CACNA1E: variants seen among roughly 807,000 people sequenced by gnomAD.
CACNA1E encodes calcium voltage-gated channel subunit alpha1 E, also known as voltage-dependent R-type calcium channel subunit alpha-1E.
Under a neutral mutation model 259.2 loss-of-function variants are expected in CACNA1E, and 40 were observed. The ratio of observed to expected loss-of-function variants is 0.15; its 90% CI spans 0.12 to 0.20. The LOEUF (loss-of-function observed/expected upper bound fraction) is 0.20, where lower values mean the gene tolerates loss of function less well. Ranked by LOEUF, CACNA1E falls within the 10% of genes least tolerant of loss-of-function variation. The pLI is 1.00. For synonymous variants in CACNA1E, 1,104 were observed against 1,138.5 expected (o/e 0.97, Z 0.61); for missense variants, 1,874 against 3,040.1 (o/e 0.62, Z 9.02).
At chr1:181,668,299 C>T (rs1372816170) in intron 7 of CACNA1E, among the ~76,000 whole-genome samples, 2 of 152,156 alleles carry the variant, frequency 1.3e-5, no homozygotes, top group African/African-American at 2.4e-5. Flanking sequence ...TGAAGTCTAT[C>T]CAGGTTTTCC....
intron 3 of CACNA1E, among the ~76,000 whole-genome samples, chr1:181,550,717 CT>C (rs766533399): frequency 7.3e-4 from 106 of 144,734 alleles, no homozygotes; most frequent in East Asian, 1.4e-3. Flanking sequence ...GAAATAAATG[CT>C]TTTTTTTTTT....
chr1:181,779,317 G>A, intron 38 of CACNA1E: 1 of 266,688 alleles, frequency 3.7e-6, no homozygotes, highest in Admixed American at 4.1e-5. Flanking sequence ...TCCTGGTCTG[G>A]CTTTGCCAGG....
intron 40 of CACNA1E, among the ~76,000 whole-genome samples, 173 bp downstream of exon 40, chr1:181,783,957 T>C (rs750217431): frequency 6.6e-6 from 1 of 152,222 alleles, no homozygotes; most frequent in Non-Finnish European, 1.5e-5. Context: ...TTCCTTCTGG[T>C]ACAGTGAATG....
intron 1 of CACNA1E, among the ~76,000 whole-genome samples, chr1:181,325,442 C>A (rs1650700377): frequency 6.6e-6 from 1 of 152,076 alleles, no homozygotes; most frequent in African/African-American, 2.4e-5. Context: ...GGTGTGGTTC[C>A]CGGACCAGCC....
At chr1:181,319,734 A>G (rs1282826202) in intron 1 of CACNA1E, among the ~76,000 whole-genome samples, 1 of 152,228 alleles carries the variant, frequency 6.6e-6, no homozygotes, top group African/African-American at 2.4e-5. Context: ...GAGATAAATG[A>G]TTGCCCTAAG....
intron 1 of CACNA1E, among the ~76,000 whole-genome samples, chr1:181,496,041 A>C (rs1433692598): frequency 6.6e-6 from 1 of 152,262 alleles, no homozygotes; most frequent in Non-Finnish European, 1.5e-5. Context: ...GGCCTGGATC[A>C]GAACTCGTGC....
rs1206134803 is a variant in CACNA1E at position 181,561,918 on chromosome 1, T to C, written c.513-15848T>C. Reference sequence around the variant, plus strand: ...TTATCAGGCTTTTTATTGTTTTGGTTTGGTTTGTTTTTAGCCTTCTAATAA... The same window carrying C: ...TTATCAGGCTTTTTATTGTTTTGGTCTGGTTTGTTTTTAGCCTTCTAATAA... On this transcript the variant is annotated intron_variant, in intron 3 of 47. Transcript: ENST00000367573. Among the ~76,000 whole-genome samples the C allele has an allele frequency of 2.0e-5, 3 of 152,290 alleles. No homozygotes were observed. The East Asian group carries it at 5.8e-4, about 29-fold the overall frequency.
intron 1 of CACNA1E, among the ~76,000 whole-genome samples, chr1:181,382,208 C>T (rs890277959): frequency 6.6e-6 from 1 of 152,086 alleles, no homozygotes; most frequent in Non-Finnish European, 1.5e-5. Context: ...ATTGCAGAGG[C>T]CTTGAGATGA....
intron 2 of CACNA1E, among the ~76,000 whole-genome samples, chr1:181,431,927 G>A (rs1659742551): frequency 6.6e-6 from 1 of 152,182 alleles, no homozygotes. Context: ...AAGTCAGGAG[G>A]AGGCAGCCTG....
chr1:181,388,124 C>A (rs954296211), intron 1 of CACNA1E, among the ~76,000 whole-genome samples: 2 of 152,168 alleles, frequency 1.3e-5, no homozygotes, highest in African/African-American at 4.8e-5. Context: ...GAGCACCCAG[C>A]GGTGGTCTTA....
intron 3 of CACNA1E, among the ~76,000 whole-genome samples, chr1:181,523,932 G>A (rs1667166361): frequency 6.6e-6 from 1 of 152,226 alleles, no homozygotes; most frequent in Non-Finnish European, 1.5e-5. Context: ...TCTAATTGGA[G>A]TTCACGAGAT....
intron 6 of CACNA1E, among the ~76,000 whole-genome samples, chr1:181,603,865 G>A (rs1030385397): frequency 6.6e-6 from 1 of 152,208 alleles, no homozygotes; most frequent in South Asian, 2.1e-4. Context: ...GATATGTACT[G>A]GCTCACCGTC....
chr1:181,647,067 G>A (rs756935091), intron 6 of CACNA1E, among the ~76,000 whole-genome samples: 1 of 152,212 alleles, frequency 6.6e-6, no homozygotes, highest in Non-Finnish European at 1.5e-5. Flanking sequence ...GGCTGGGTGG[G>A]GAGGGTGTTG....
Position 181,623,087 on chromosome 1 carries a change from G to C in CACNA1E, c.952-28251G>C, listed in dbSNP as rs1655870645. Among the ~76,000 whole-genome samples the C allele has an allele frequency of 2.6e-5, 4 of 152,130 alleles. No homozygotes were observed. In the South Asian group the frequency reaches 8.3e-4, roughly 32 times the overall value. ...TTATTAATCATCATCAGCTGCAATTGAAGTCCATTTGGTCATTCAACAAAC... is the reference window on the plus strand; with the variant it reads ...TTATTAATCATCATCAGCTGCAATTCAAGTCCATTTGGTCATTCAACAAAC... On this transcript the variant is annotated intron_variant, in intron 6 of 47. Transcript: ENST00000367573.
At chr1:181,416,454 T>C (rs1485292677) in intron 2 of CACNA1E, among the ~76,000 whole-genome samples, 1 of 152,248 alleles carries the variant, frequency 6.6e-6, no homozygotes, top group Admixed American at 6.5e-5. Context: ...TCTGCTATCC[T>C]GTAAGCCAAA....
intron 18 of CACNA1E, among the ~76,000 whole-genome samples, chr1:181,727,726 T>C (rs1655043275): frequency 6.6e-6 from 1 of 152,048 alleles, no homozygotes; most frequent in Non-Finnish European, 1.5e-5. Context: ...GAGGACTGTG[T>C]GAGTGGTGAG....
At chr1:181,503,200 G>A (rs901505538) in intron 1 of CACNA1E, among the ~76,000 whole-genome samples, 10 of 152,162 alleles carry the variant, frequency 6.6e-5, no homozygotes, top group Non-Finnish European at 8.8e-5. Flanking sequence ...GGCATTACTC[G>A]TCCCTCCAGG....
chr1:181,651,236 GC>G, intron 6 of CACNA1E, 101 bp from the exon 7 acceptor site: 3 of 747,588 alleles, frequency 4.0e-6, no homozygotes, highest in Non-Finnish European at 6.9e-6. Context: ...TAACTGTATT[GC>G]ATTGTGGTTT....
At chr1:181,416,435 C>A (rs1018751653) in intron 2 of CACNA1E, among the ~76,000 whole-genome samples, 4 of 152,148 alleles carry the variant, frequency 2.6e-5, no homozygotes, top group Non-Finnish European at 5.9e-5. Flanking sequence ...CAGGTTGTTT[C>A]TTTTCTTATC....
Sources: gnomAD v4.1 joint callset for allele counts (sites outside exome capture counted in the v4.1 genomes callset) on GRCh38, gnomAD v4.1.1 for gene constraint, MANE v1.5 for transcripts, NCBI Gene and HGNC (gene_info 2026-07-23, HGNC 2026-07-21) for gene names.